Variants in DENND1B observed in about 807,000 individuals in gnomAD.
The protein encoded by DENND1B is DENN domain-containing protein 1B.
DENND1B carries 59 observed loss-of-function variants against 90.1 expected under a neutral mutation model. The ratio of observed to expected loss-of-function variants is 0.65; its 90% CI spans 0.53 to 0.81. DENND1B has a LOEUF of 0.81. DENND1B is among the 40% of genes least tolerant of loss of function. The pLI, the probability that DENND1B is intolerant of heterozygous loss-of-function variation, is 0.00. For synonymous variants in DENND1B, 337 were observed against 324.6 expected, an observed-to-expected ratio of 1.04 and a Z score of -0.41; for missense variants, 862 against 912.6, an observed-to-expected ratio of 0.94 and a Z score of 0.71.
chr1:197,627,144 T>C (rs1303525223), intron 10 of DENND1B, among the ~76,000 whole-genome samples: 6 of 151,760 alleles, frequency 4.0e-5, no homozygotes, highest in East Asian at 3.9e-4. Flanking sequence ...TTCCAATCAA[T>C]AGAAAAAGAG....
At chr1:197,698,507 G>C (rs1416018816) in intron 3 of DENND1B, among the ~76,000 whole-genome samples, 1 of 151,796 alleles carries the variant, frequency 6.6e-6, no homozygotes, top group Non-Finnish European at 1.5e-5. Context: ...AAAAGAGCTA[G>C]AGAAGCAAGA....
Position 197,688,966 on chromosome 1 carries a change from T to C in DENND1B, c.127-14797A>G, listed in dbSNP as rs185057172. Reference sequence around the variant, plus strand: ...ATAAATTGAAAGCTGAGTTTGAGCATGGTATCACCACTGATATCTCCACAT... The same window carrying C: ...ATAAATTGAAAGCTGAGTTTGAGCACGGTATCACCACTGATATCTCCACAT... On this transcript the variant is annotated intron_variant, in intron 3 of 22. Transcript: ENST00000620048. 357 of 215,576 alleles carry C rather than the reference T, an allele frequency of 1.7e-3. 2 individuals carry two copies. Among genetic ancestry groups the C allele is most frequent in the African/African-American group, 7.9e-3 (343 of 43,428 alleles). 13.4% of individuals were successfully genotyped at this position (215,576 alleles called of 1,614,324 possible).
chr1:197,544,856 G>C (rs72742662), intron 18 of DENND1B, among the ~76,000 whole-genome samples: 1 of 126,960 alleles, frequency 7.9e-6, no homozygotes, highest in Non-Finnish European at 1.8e-5. Flanking sequence ...AGAGGAAGAA[G>C]AGGAAGGAGG....
chr1:197,759,424 G>GA (rs200415797), intron 2 of DENND1B, among the ~76,000 whole-genome samples: 64 of 145,904 alleles, frequency 4.4e-4, no homozygotes, highest in African/African-American at 1.0e-3. Context: ...TATAATAAAT[G>GA]AAAAAAAAAC....
chr1:197,779,372 A>G (rs1024226427), upstream of DENND1B, among the ~76,000 whole-genome samples: 3 of 152,016 alleles, frequency 2.0e-5, no homozygotes, highest in African/African-American at 7.2e-5. Context: ...CTATAGTTTC[A>G]CTGTGAAGTA....
chr1:197,708,009 G>A (rs1304203346), intron 3 of DENND1B, among the ~76,000 whole-genome samples: 10 of 151,758 alleles, frequency 6.6e-5, no homozygotes, highest in East Asian at 3.9e-4. Context: ...CGAATATTGC[G>A]CTTTTCAGAC....
chr1:197,538,928 C>G (rs979520991), intron 20 of DENND1B, among the ~76,000 whole-genome samples: 1 of 151,958 alleles, frequency 6.6e-6, no homozygotes, highest in Non-Finnish European at 1.5e-5. Flanking sequence ...TGCCTTCCAC[C>G]ATGGGATGAC....
chr1:197,561,493 A>C (rs956929468), intron 15 of DENND1B, among the ~76,000 whole-genome samples: 2 of 151,752 alleles, frequency 1.3e-5, no homozygotes, highest in Non-Finnish European at 2.9e-5. Context: ...ATTTCTATTT[A>C]TACTTTTTCC....
rs143678096 is a variant in DENND1B at position 197,575,958 on chromosome 1, C to T, written c.1149+7194G>A. On this transcript the variant is annotated intron_variant, in intron 15 of 22. Transcript: ENST00000620048. ...AGGTAGGGGCCTGGGGGAGGGATAGCATTAGGAGAAATACCTAATGTAAAT... is the reference window on the plus strand; with the variant it reads ...AGGTAGGGGCCTGGGGGAGGGATAGTATTAGGAGAAATACCTAATGTAAAT... Among the ~76,000 whole-genome samples the T allele has an allele frequency of 5.9e-3, 895 of 152,202 alleles. 13 individuals carry two copies. Among genetic ancestry groups the T allele is most frequent in the African/African-American group, 0.02 (837 of 41,512 alleles).
chr1:197,736,868 T>G (rs1662740123), intron 2 of DENND1B, among the ~76,000 whole-genome samples: 1 of 152,234 alleles, frequency 6.6e-6, no homozygotes. Context: ...AACAGCTTCC[T>G]TTTTATTTGC....
chr1:197,646,032 A>G (rs1185534817), intron 8 of DENND1B, among the ~76,000 whole-genome samples: 2 of 151,904 alleles, frequency 1.3e-5, no homozygotes, highest in Non-Finnish European at 2.9e-5. Context: ...TATTGCTGAA[A>G]GGTTTATTTT....
chr1:197,589,468 G>A (rs1447909473), intron 14 of DENND1B, among the ~76,000 whole-genome samples: 1 of 152,098 alleles, frequency 6.6e-6, no homozygotes, highest in African/African-American at 2.4e-5. Flanking sequence ...TGACATGAAA[G>A]GATGTGTAAA....
chr1:197,611,602 T>C (rs565607727), intron 12 of DENND1B, among the ~76,000 whole-genome samples: 2 of 150,672 alleles, frequency 1.3e-5, no homozygotes, highest in Admixed American at 6.6e-5. Context: ...AAAATATAGG[T>C]CTGAAAAAGA....
At chr1:197,718,898 CAGACAGT>C (rs1660893769) in intron 2 of DENND1B, among the ~76,000 whole-genome samples, 2 of 152,204 alleles carry the variant, frequency 1.3e-5, no homozygotes, top group South Asian at 4.1e-4. Flanking sequence ...GCCACTGAAG[CAGACAGT>C]AGTATAAATC....
chr1:197,642,495 T>G (rs1476175726), intron 10 of DENND1B, among the ~76,000 whole-genome samples: 2 of 152,154 alleles, frequency 1.3e-5, no homozygotes, highest in African/African-American at 2.4e-5. Context: ...CATCTCCTGA[T>G]AAGAAAAAAT....
chr1:197,515,837 A>G (rs1168086741), intron 20 of DENND1B, among the ~76,000 whole-genome samples: 2 of 151,830 alleles, frequency 1.3e-5, no homozygotes, highest in Non-Finnish European at 2.9e-5. Flanking sequence ...CACACACTTT[A>G]TCAAAACTAG....
At chr1:197,614,884 C>T (rs904133566) in intron 11 of DENND1B, among the ~76,000 whole-genome samples, 1 of 151,030 alleles carries the variant, frequency 6.6e-6, no homozygotes, top group Non-Finnish European at 1.5e-5. Flanking sequence ...GTCCTACAGT[C>T]ACACTACCTG....
At chr1:197,683,531 G>T (rs746692563) in intron 3 of DENND1B, among the ~76,000 whole-genome samples, 1 of 152,074 alleles carries the variant, frequency 6.6e-6, no homozygotes, top group Non-Finnish European at 1.5e-5. Context: ...GAGTAAAAAC[G>T]GAGACATACA....
At chr1:197,541,961 G>C (rs1670367030) in intron 18 of DENND1B, among the ~76,000 whole-genome samples, 1 of 152,068 alleles carries the variant, frequency 6.6e-6, no homozygotes, top group Non-Finnish European at 1.5e-5. Flanking sequence ...CTCTTCCATG[G>C]TTCTATAATT....
Sources: allele counts gnomAD v4.1 joint callset (sites outside exome capture counted in the v4.1 genomes callset), GRCh38; gene constraint gnomAD v4.1.1; transcripts MANE v1.5; gene names NCBI Gene and HGNC (gene_info 2026-07-23, HGNC 2026-07-21).